Variants in KDM1A observed in about 807,000 individuals in gnomAD.
KDM1A encodes lysine-specific histone demethylase 1A.
A neutral mutation model predicts 109.4 loss-of-function variants in KDM1A; 49 were observed. The observed-to-expected ratio is 0.45, with a 90% confidence interval of 0.36 to 0.57. The LOEUF is 0.57. KDM1A is among the 20% of genes least tolerant of loss of function. KDM1A has a pLI of 0.00. For missense variants in KDM1A, 668 were observed against 1,116.6 expected, an observed-to-expected ratio of 0.60 and a Z score of 5.73; for synonymous variants, 380 against 415.4, an observed-to-expected ratio of 0.91 and a Z score of 1.04.
chr1:23,027,142 C>T (rs1641829677), intron 1 of KDM1A, among the ~76,000 whole-genome samples: 1 of 151,452 alleles, frequency 6.6e-6, no homozygotes, highest in East Asian at 1.9e-4. Context: ...AAATAAAACA[C>T]ACTACTATTA....
chr1:23,037,043 G>A (rs553098995), intron 2 of KDM1A, among the ~76,000 whole-genome samples: 9 of 151,910 alleles, frequency 5.9e-5, no homozygotes, highest in African/African-American at 1.5e-4. Context: ...TAGGGAGGCC[G>A]AGGCAAGGGG....
rs145833304 is a variant in KDM1A, at chr1:23,062,367, T to C, written c.1167+3200T>C. Among the ~76,000 whole-genome samples the C allele has an allele frequency of 2.7e-3, 407 of 152,308 alleles. 4 individuals carry two copies. The highest frequency in any genetic ancestry group is 9.1e-3 in the African/African-American group (377 of 41,584). The stretch of plus-strand genomic sequence containing the variant: ...CCTAAAGTAAAAATTCATTCAGTCA[T>C]TGATTTTTCTTTAGTAAACTTGGAT... On this transcript the variant is annotated intron_variant, in intron 9 of 20. Coordinates refer to ENST00000400181, the MANE Select transcript of KDM1A (RefSeq NM_001009999.3).
At chr1:23,051,282 C>G (rs1481528006) in intron 4 of KDM1A, among the ~76,000 whole-genome samples, 2 of 152,052 alleles carry the variant, frequency 1.3e-5, no homozygotes, top group African/African-American at 2.4e-5. Context: ...ACATTTGTTG[C>G]CGATTTTGCT....
chr1:23,029,507 A>G (rs1641911519), intron 1 of KDM1A, among the ~76,000 whole-genome samples: 1 of 152,110 alleles, frequency 6.6e-6, no homozygotes, highest in South Asian at 2.1e-4. Context: ...CTTTACCCTC[A>G]ATGACACATT....
intron 1 of KDM1A, among the ~76,000 whole-genome samples, chr1:23,026,472 C>G (rs891924069): frequency 1.3e-4 from 20 of 151,534 alleles, no homozygotes; most frequent in Non-Finnish European, 2.4e-4. Context: ...TCACTGCAGC[C>G]TTGACCTCCC....
intron 15 of KDM1A, among the ~76,000 whole-genome samples, chr1:23,074,650 T>C (rs1643411420): frequency 6.6e-6 from 1 of 152,234 alleles, no homozygotes. Context: ...ACAAAGATGT[T>C]ATCCTGTGTT....
Position 23,071,302 on chromosome 1 carries a change from T to C in KDM1A, c.1491T>C (p.Asp497=). 1 of 1,613,636 alleles carries C rather than the reference T, an allele frequency of 6.2e-7. No individual in the cohort carries two copies. Among genetic ancestry groups the C allele is most frequent in the Non-Finnish European group, 8.5e-7 (1 of 1,179,812 alleles). ...KEASEVKPPR[D]ITAEFLVKSK... ...CATCTGAAGTAAAGCCACCCAGAGA[T>C]ATTACTGCCGAGTTCTTAGTGAAAA... Residue 497 remains aspartate, a synonymous_variant, in exon 13 of 21, where the codon GAT becomes GAC. Transcript: ENST00000400181.
At position 23,079,405 on chromosome 1, in the gene KDM1A, A is replaced by T; in HGVS notation, c.2056-148A>T. 1.4e-6 allele frequency: 1 copy of T among 713,760 alleles called. No homozygotes were observed. Among genetic ancestry groups the T allele is most frequent in the Non-Finnish European group, 2.3e-6 (1 of 427,726 alleles). The allele number at this position is 713,760 out of a possible 1,614,324, so 44.2% of individuals were successfully genotyped here. On this transcript the variant is annotated intron_variant, in intron 17 of 20. Coordinates refer to ENST00000400181, the MANE Select transcript of KDM1A (RefSeq NM_001009999.3). This position sits in a 1 kb window ranked among gnomAD's most constrained non-coding sequence, Gnocchi z 5.6. The stretch of plus-strand genomic sequence containing the variant: ...GGGGTCATTTCACAAACTCAGGCCT[A>T]TAAAAAGGGGATCGTAAATGTCATC...
At chr1:23,060,280 A>G (rs766738097) in intron 9 of KDM1A, among the ~76,000 whole-genome samples, 2 of 152,212 alleles carry the variant, frequency 1.3e-5, no homozygotes, top group Non-Finnish European at 2.9e-5. Context: ...TTGTAGAGAA[A>G]TAATTCTTTT....
chr1:23,047,069 C>T (rs901327365), intron 3 of KDM1A, among the ~76,000 whole-genome samples: 28 of 152,098 alleles, frequency 1.8e-4, no homozygotes, highest in African/African-American at 6.8e-4. Context: ...AAGATTTTTC[C>T]TCTGAAAGAG....
At chr1:23,060,425 T>A (rs946888946) in intron 9 of KDM1A, among the ~76,000 whole-genome samples, 1 of 152,196 alleles carries the variant, frequency 6.6e-6, no homozygotes, top group African/African-American at 2.4e-5. Context: ...GTCTGGAGTA[T>A]TTTAAAGCAG....
intron 1 of KDM1A, among the ~76,000 whole-genome samples, chr1:23,026,015 T>C (rs549626731): frequency 1.3e-5 from 2 of 152,188 alleles, no homozygotes; most frequent in East Asian, 3.9e-4. Context: ...CACTTGAGCC[T>C]GGGAGGCAGA....
chr1:23,020,279 GTTGGCGTTC>G (rs1557485325), intron 1 of KDM1A: 1 of 203,580 alleles, frequency 4.9e-6, no homozygotes, highest in Non-Finnish European at 9.8e-6. Context: ...TGGGGTTACG[GTTGGCGTTC>G]TTGGAGACCT....
At chr1:23,063,399 A>C (rs1643074574) in intron 9 of KDM1A, among the ~76,000 whole-genome samples, 1 of 152,146 alleles carries the variant, frequency 6.6e-6, no homozygotes, top group South Asian at 2.1e-4. Flanking sequence ...AAACACCGTT[A>C]ACTATAGGTG....
At chr1:23,067,050 T>C (rs964154859) in intron 10 of KDM1A, among the ~76,000 whole-genome samples, 2 of 152,166 alleles carry the variant, frequency 1.3e-5, no homozygotes, top group African/African-American at 4.8e-5. Context: ...AGATCACAGG[T>C]TTTTGATCTA....
intron 1 of KDM1A, among the ~76,000 whole-genome samples, chr1:23,026,152 T>A (rs1641793741): frequency 6.6e-6 from 1 of 152,118 alleles, no homozygotes; most frequent in African/African-American, 2.4e-5. Flanking sequence ...GTGTATATGC[T>A]GGTTTGAAAA....
chr1:23,078,806 C>T (rs1643538068), intron 16 of KDM1A, among the ~76,000 whole-genome samples, 184 bp from the exon 17 acceptor site: 2 of 152,190 alleles, frequency 1.3e-5, no homozygotes, highest in Admixed American at 6.5e-5. Flanking sequence ...GCACTTATTA[C>T]GTGTGTAGCC....
intron 18 of KDM1A, among the ~76,000 whole-genome samples, chr1:23,080,125 C>T (rs939900272): frequency 2.6e-5 from 4 of 152,128 alleles, no homozygotes; most frequent in Non-Finnish European, 5.9e-5. Context: ...TATTTGTACC[C>T]CACCTCATTC....
intron 9 of KDM1A, among the ~76,000 whole-genome samples, chr1:23,064,151 A>C (rs2294517): frequency 6.6e-6 from 1 of 152,132 alleles, no homozygotes; most frequent in Non-Finnish European, 1.5e-5. Context: ...AGCCTCCCAC[A>C]GTGCTGGGAT....
Sources: allele counts gnomAD v4.1 joint callset (sites outside exome capture counted in the v4.1 genomes callset), GRCh38; gene constraint gnomAD v4.1.1; non-coding constraint Gnocchi (gnomAD v3.1); transcripts MANE v1.5; gene names NCBI Gene and HGNC (gene_info 2026-07-23, HGNC 2026-07-21).